ITK: variants seen among roughly 807,000 people sequenced by gnomAD.
The protein encoded by ITK is IL2 inducible T cell kinase.
ITK carries 45 observed loss-of-function variants against 87.6 expected under a neutral mutation model. The ratio of observed to expected loss-of-function variants is 0.51; its 90% CI spans 0.40 to 0.66. ITK has a LOEUF of 0.66. ITK is among the 30% of genes least tolerant of loss of function. The probability of loss-of-function intolerance (pLI) is 0.00; values close to 1 mark genes in which losing one functional copy is unlikely to be tolerated. For synonymous variants in ITK, 303 were observed against 273.6 expected, an observed-to-expected ratio of 1.11 and a Z score of -1.06; for missense variants, 605 against 766.3, an observed-to-expected ratio of 0.79 and a Z score of 2.48.
intron 1 of ITK, among the ~76,000 whole-genome samples, chr5:157,204,152 A>G (rs956092416): frequency 6.6e-6 from 1 of 152,176 alleles, no homozygotes; most frequent in Non-Finnish European, 1.5e-5. Context: ...CTGGGACTAC[A>G]GGTGCACACC....
chr5:157,182,898 A>C (rs1232808487), intron 1 of ITK, among the ~76,000 whole-genome samples: 2 of 152,142 alleles, frequency 1.3e-5, no homozygotes, highest in Non-Finnish European at 2.9e-5. Context: ...TTAATTCAGA[A>C]TATTATTGGT....
intron 6 of ITK, among the ~76,000 whole-genome samples, chr5:157,225,040 G>A (rs1009113318): frequency 6.6e-6 from 1 of 151,828 alleles, no homozygotes; most frequent in African/African-American, 2.4e-5. Flanking sequence ...TGTCACCCAG[G>A]TTGGAGCACA....
At chr5:157,183,590 A>C (rs1159835648) in intron 1 of ITK, among the ~76,000 whole-genome samples, 5 of 152,206 alleles carry the variant, frequency 3.3e-5, no homozygotes, top group African/African-American at 1.2e-4. Context: ...GCAGGCTGTC[A>C]TAACAATTCA....
At position 157,231,379 on chromosome 5, in the gene ITK, AC is replaced by A. The variant is rs1280303724; in HGVS notation, c.714-960del. On this transcript the variant is annotated intron_variant, in intron 7 of 16. Transcript: ENST00000422843. The stretch of plus-strand genomic sequence containing the variant: ...CAATGCACAGCTCTAGGCAGCCACT[AC>A]TATCGCTGATGGCCTGTGTGTGAGA... Among the ~76,000 whole-genome samples, 41 of 152,290 alleles carry A rather than the reference AC, an allele frequency of 2.7e-4. 1 individual carries two copies. The South Asian group carries it at 7.3e-3, about 27-fold the overall frequency.
At chr5:157,190,818 T>C (rs2113739339) in intron 1 of ITK, among the ~76,000 whole-genome samples, 1 of 152,324 alleles carries the variant, frequency 6.6e-6, no homozygotes, top group Non-Finnish European at 1.5e-5. Context: ...GGAACAGAGA[T>C]TTGAACATGC....
At chr5:157,201,362 A>G (rs1055563674) in intron 1 of ITK, among the ~76,000 whole-genome samples, 3 of 141,118 alleles carry the variant, frequency 2.1e-5, no homozygotes, top group Admixed American at 1.5e-4. Context: ...CAGTGGCATG[A>G]TCTTGGCTCA....
intron 8 of ITK, among the ~76,000 whole-genome samples, chr5:157,234,067 G>A (rs1194535512): frequency 9.5e-5 from 13 of 137,082 alleles, no homozygotes; most frequent in East Asian, 2.4e-4. Flanking sequence ...TGCAACCTCC[G>A]CTGCCTGGGT....
Position 157,208,903 on chromosome 5 carries a change from G to T in ITK, c.153G>T (p.Leu51=). The T allele has an allele frequency of 6.2e-7, 1 of 1,613,444 alleles. No homozygotes were observed. Among genetic ancestry groups the T allele is most frequent in the East Asian group, 2.2e-5 (1 of 44,852 alleles). The change falls in exon 2 of 17, where the codon CTG becomes CTT. Residue 51 remains leucine (L), a synonymous_variant. Coordinates refer to ENST00000422843, the MANE Select transcript of ITK (RefSeq NM_005546.4). ...FEDRHGKKRT[L]KGSIELSRIK... Reference sequence around the variant, plus strand: ...TCTCCCCACAGAAGAAGCGCACGCTGAAGGGGTCCATTGAGCTCTCCCGAA... The same window carrying T: ...TCTCCCCACAGAAGAAGCGCACGCTTAAGGGGTCCATTGAGCTCTCCCGAA...
intron 8 of ITK, among the ~76,000 whole-genome samples, chr5:157,237,309 C>T (rs2113770446): frequency 6.6e-6 from 1 of 152,322 alleles, no homozygotes; most frequent in South Asian, 2.1e-4. Context: ...CCAAACACCA[C>T]ATGTTCTCAC....
intron 6 of ITK, among the ~76,000 whole-genome samples, chr5:157,224,647 G>C (rs967014107): frequency 6.6e-6 from 1 of 152,118 alleles, no homozygotes; most frequent in African/African-American, 2.4e-5. Context: ...TGGGTGTGGT[G>C]GCAGGCGCCT....
rs188498534 is a variant in ITK, at chr5:157,241,366, A to G, written c.986-280A>G. On this transcript the variant is annotated intron_variant, in intron 10 of 16. Coordinates refer to ENST00000422843, the MANE Select transcript of ITK (RefSeq NM_005546.4). ...TCTTTTTGACTATAAATAATAAATAAATATACAAATAGAAAAATATGACAA... is the reference window on the plus strand; with the variant it reads ...TCTTTTTGACTATAAATAATAAATAGATATACAAATAGAAAAATATGACAA... 187 of 183,546 alleles carry G rather than the reference A, an allele frequency of 1.0e-3. 1 individual carries two copies. The highest frequency in any genetic ancestry group is 4.1e-3 in the African/African-American group (171 of 42,126). 11.4% of individuals were successfully genotyped at this position (183,546 alleles called of 1,614,324 possible).
At chr5:157,185,661 C>T (rs1178231758) in intron 1 of ITK, among the ~76,000 whole-genome samples, 2 of 147,524 alleles carry the variant, frequency 1.4e-5, no homozygotes, top group East Asian at 4.0e-4. Flanking sequence ...GCCTGGGCAA[C>T]ATGGTGAGAC....
intron 2 of ITK, among the ~76,000 whole-genome samples, chr5:157,210,026 A>G (rs1754157181): frequency 6.6e-6 from 1 of 151,976 alleles, no homozygotes. Flanking sequence ...CCCTGGTTCA[A>G]GTGATTCTCC....
chr5:157,211,734 A>G (rs1275707158), intron 3 of ITK, among the ~76,000 whole-genome samples: 1 of 152,236 alleles, frequency 6.6e-6, no homozygotes, highest in Non-Finnish European at 1.5e-5. Context: ...GTATAGTATG[A>G]AGAAGCAGAG....
At chr5:157,234,679 A>T (rs1355950908) in intron 8 of ITK, among the ~76,000 whole-genome samples, 1 of 152,130 alleles carries the variant, frequency 6.6e-6, no homozygotes, top group Non-Finnish European at 1.5e-5. Context: ...GGAATAGAAA[A>T]CCAAACACTG....
intron 6 of ITK, among the ~76,000 whole-genome samples, chr5:157,224,778 C>G (rs1288041749): frequency 6.6e-6 from 1 of 152,056 alleles, no homozygotes; most frequent in Non-Finnish European, 1.5e-5. Context: ...GAGAATCCAT[C>G]TCAAAAATAA....
At chr5:157,248,698 C>T (rs939464749) in intron 15 of ITK, 152 bp from the exon 16 acceptor site, 2 of 831,114 alleles carry the variant, frequency 2.4e-6, no homozygotes, top group Admixed American at 2.0e-5. Flanking sequence ...AAAAATAGGA[C>T]AGGCCTAATA....
intron 1 of ITK, among the ~76,000 whole-genome samples, chr5:157,184,100 A>G (rs969949259): frequency 6.6e-6 from 1 of 152,200 alleles, no homozygotes; most frequent in African/African-American, 2.4e-5. Context: ...GGCAGGTGGT[A>G]GCTTGCAGAC....
chr5:157,249,087 C>T (rs1755087377), intron 16 of ITK, 80 bp downstream of exon 16: 2 of 1,253,076 alleles, frequency 1.6e-6, no homozygotes, highest in African/African-American at 1.5e-5. Context: ...AAGGAACCCT[C>T]TCAGAAGGAT....
Sources: gnomAD v4.1 joint callset for allele counts (sites outside exome capture counted in the v4.1 genomes callset) on GRCh38, gnomAD v4.1.1 for gene constraint, MANE v1.5 for transcripts, NCBI Gene and HGNC (gene_info 2026-07-23, HGNC 2026-07-21) for gene names.